Variants in SFXN1 observed in about 807,000 individuals in gnomAD.
SFXN1 encodes the protein sideroflexin 1, also known as sideroflexin-1.
In SFXN1, 32 loss-of-function variants were observed where a neutral mutation model predicts 39.5. The ratio of observed to expected loss-of-function variants is 0.81; its 90% CI spans 0.61 to 1.09. The LOEUF (loss-of-function observed/expected upper bound fraction) is 1.09. SFXN1 is among the 50% of genes least tolerant of loss of function. The probability of loss-of-function intolerance (pLI) is 0.00; values close to 1 mark genes in which losing one functional copy is unlikely to be tolerated. For missense variants in SFXN1, 402 were observed against 407.1 expected (o/e 0.99, Z 0.11); for synonymous variants, 136 against 146.5 (o/e 0.93, Z 0.52).
At chr5:175,522,471 AC>A in intron 10 of SFXN1, 49 bp downstream of exon 10, 1 of 1,574,560 alleles carries the variant, frequency 6.4e-7, no homozygotes, top group Non-Finnish European at 8.6e-7. Context: ...AATCCTAAAA[AC>A]CAATTGAAGG....
chr5:175,485,492 A>G (rs185829000), intron 1 of SFXN1, among the ~76,000 whole-genome samples: 14 of 152,114 alleles, frequency 9.2e-5, no homozygotes, highest in Admixed American at 1.3e-4. Flanking sequence ...GCCTCCTTCC[A>G]TCTCTTATAG....
chr5:175,480,396 G>T (rs62386247), intron 1 of SFXN1, among the ~76,000 whole-genome samples: 2 of 150,446 alleles, frequency 1.3e-5, no homozygotes, highest in South Asian at 2.1e-4. Flanking sequence ...GCAAGACTCC[G>T]TCTTAAAAAA....
intron 2 of SFXN1, among the ~76,000 whole-genome samples, chr5:175,500,565 T>C (rs1211176413): frequency 6.6e-6 from 1 of 152,110 alleles, no homozygotes; most frequent in Non-Finnish European, 1.5e-5. Flanking sequence ...TCCCAAATTG[T>C]TGTAAGATTC....
At position 175,526,493 on chromosome 5, in the gene SFXN1, T is replaced by G. The variant is rs913556770; in HGVS notation, c.873-145T>G. Reference sequence around the variant, plus strand: ...TTTTCTGAAAGGAACGTGATCTCGTTTTCTAGCCGCATGAAGCATTTCTCC... The same window carrying G: ...TTTTCTGAAAGGAACGTGATCTCGTGTTCTAGCCGCATGAAGCATTTCTCC... On this transcript the variant is annotated intron_variant, in intron 10 of 10. Coordinates refer to ENST00000321442, the MANE Select transcript of SFXN1 (RefSeq NM_022754.7). The G allele has an allele frequency of 1.5e-5, 10 of 649,904 alleles. No individual in the cohort carries two copies. The African/African-American group carries it at 1.6e-4, about 11-fold the overall frequency. The allele number at this position is 649,904 out of a possible 1,614,324, so 40.3% of individuals were successfully genotyped here.
chr5:175,495,901 G>T (rs1759841522), intron 2 of SFXN1, among the ~76,000 whole-genome samples: 1 of 138,358 alleles, frequency 7.2e-6, no homozygotes, highest in Non-Finnish European at 1.5e-5. Context: ...GATTAAAAGT[G>T]GCTTTTTTTT....
At chr5:175,526,528 C>T (rs567506278) in intron 10 of SFXN1, 110 bp from the exon 11 acceptor site, 6 of 766,900 alleles carry the variant, frequency 7.8e-6, no homozygotes, top group Non-Finnish European at 1.3e-5. Flanking sequence ...CAACAAGACC[C>T]ACTGTACCAG....
chr5:175,479,788 GC>G (rs1759163555), intron 1 of SFXN1, among the ~76,000 whole-genome samples: 1 of 152,148 alleles, frequency 6.6e-6, no homozygotes. Flanking sequence ...CGCCCCCATA[GC>G]TTTTTCCCTG....
chr5:175,507,992 A>AAAAAAAAAG (rs879604357), intron 2 of SFXN1, among the ~76,000 whole-genome samples: 2 of 146,146 alleles, frequency 1.4e-5, no homozygotes, highest in Non-Finnish European at 1.5e-5. Flanking sequence ...AAAAAAAAAA[A>AAAAAAAAAG]TTCTTCCTGA....
At chr5:175,515,049 C>G (rs1466504964) in intron 7 of SFXN1, among the ~76,000 whole-genome samples, 2 of 151,952 alleles carry the variant, frequency 1.3e-5, no homozygotes, top group African/African-American at 4.8e-5. Context: ...GGATATTGCC[C>G]TGTCCCTCAG....
intron 2 of SFXN1, among the ~76,000 whole-genome samples, chr5:175,505,900 A>G (rs919605487): frequency 3.3e-5 from 5 of 152,114 alleles, no homozygotes; most frequent in African/African-American, 7.2e-5. Flanking sequence ...ACTCACTGCA[A>G]TCTCTGCCTC....
intron 2 of SFXN1, chr5:175,492,484 A>G (rs1217440775): frequency 9.7e-6 from 4 of 412,440 alleles, no homozygotes; most frequent in Non-Finnish European, 8.5e-6. Flanking sequence ...TAACCTGACA[A>G]TGGGAGTCAT....
At chr5:175,494,869 A>G (rs1433341234) in intron 2 of SFXN1, among the ~76,000 whole-genome samples, 1 of 152,228 alleles carries the variant, frequency 6.6e-6, no homozygotes, top group Non-Finnish European at 1.5e-5. Flanking sequence ...AAAATAAGCC[A>G]TAATATAAGG....
intron 2 of SFXN1, among the ~76,000 whole-genome samples, chr5:175,495,648 G>A (rs2113289727): frequency 6.6e-6 from 1 of 151,242 alleles, no homozygotes; most frequent in African/African-American, 2.4e-5. Context: ...AGAATCACTA[G>A]AACCCGGGAG....
chr5:175,519,913 A>G (rs1760828179), intron 8 of SFXN1, among the ~76,000 whole-genome samples: 1 of 123,172 alleles, frequency 8.1e-6, no homozygotes, highest in South Asian at 2.5e-4. Flanking sequence ...CTCTGTCACC[A>G]GGCTGGAGTG....
chr5:175,525,708 G>A (rs1237576419), intron 10 of SFXN1: 1 of 151,920 alleles, frequency 6.6e-6, no homozygotes, highest in Non-Finnish European at 1.5e-5. Flanking sequence ...TTCTGGGCTC[G>A]AGCAACCCTC....
Position 175,527,687 on chromosome 5 carries a change from T to C in SFXN1, c.*953T>C, listed in dbSNP as rs1761107749. 6.6e-6 allele frequency: 1 copy of C among 152,162 alleles called. No individual in the cohort carries two copies. The highest frequency in any genetic ancestry group is 2.4e-5 in the African/African-American group (1 of 41,438). The allele number at this position is 152,162 out of a possible 1,614,324, so 9.4% of individuals were successfully genotyped here. On this transcript the variant is annotated 3_prime_UTR_variant, in exon 11 of 11. Coordinates refer to ENST00000321442, the MANE Select transcript of SFXN1 (RefSeq NM_022754.7). ...GAAAGATACAGTGATAATGTGTGTA[T>C]GAATCAGTCACAATGAATTTTACTT... is the stretch of plus-strand genomic sequence containing the variant.
At chr5:175,524,186 A>G (rs1760990644) in intron 10 of SFXN1, 2 of 140,088 alleles carry the variant, frequency 1.4e-5, no homozygotes, top group African/African-American at 5.2e-5. Flanking sequence ...AATAAGTTAC[A>G]TCTTATAGGC....
chr5:175,498,324 C>A (rs1442042745), intron 2 of SFXN1, among the ~76,000 whole-genome samples: 1 of 151,744 alleles, frequency 6.6e-6, no homozygotes, highest in Non-Finnish European at 1.5e-5. Flanking sequence ...TTAATCATTT[C>A]ACATTTACTA....
intron 8 of SFXN1, 47 bp from the exon 9 acceptor site, chr5:175,521,872 A>G (rs1760890069): frequency 8.1e-6 from 12 of 1,484,160 alleles, no homozygotes; most frequent in Admixed American, 1.7e-5. Flanking sequence ...TATTGCCTCT[A>G]AGACCCTGTA....
Sources: allele counts gnomAD v4.1 joint callset (sites outside exome capture counted in the v4.1 genomes callset), GRCh38; gene constraint gnomAD v4.1.1; transcripts MANE v1.5; gene names NCBI Gene and HGNC (gene_info 2026-07-23, HGNC 2026-07-21).